CNTNAP4: variants seen among roughly 807,000 people sequenced by gnomAD.
The protein encoded by CNTNAP4 is contactin associated protein family member 4.
Under a neutral mutation model 148.4 loss-of-function variants are expected in CNTNAP4, and 98 were observed. The ratio of observed to expected loss-of-function variants is 0.66; its 90% CI spans 0.56 to 0.78. The LOEUF (loss-of-function observed/expected upper bound fraction) is 0.78, where lower values mean the gene tolerates loss of function less well. Ranked by LOEUF, CNTNAP4 falls within the 30% of genes least tolerant of loss-of-function variation. The pLI, the probability that CNTNAP4 is intolerant of heterozygous loss-of-function variation, is 0.00. For synonymous variants in CNTNAP4, 730 were observed against 565.1 expected (o/e 1.29, Z -4.14); for missense variants, 1,935 against 1,565.6 (o/e 1.24, Z -3.98).
At chr16:76,410,606 G>A (rs547660773) in intron 3 of CNTNAP4, among the ~76,000 whole-genome samples, 1 of 151,842 alleles carries the variant, frequency 6.6e-6, no homozygotes, top group Admixed American at 6.6e-5. Context: ...TGACAGATGA[G>A]TTTGTCTTTG....
intron 1 of CNTNAP4, among the ~76,000 whole-genome samples, chr16:76,308,526 A>C (rs1307008991): frequency 6.6e-6 from 1 of 152,222 alleles, no homozygotes; most frequent in Non-Finnish European, 1.5e-5. Flanking sequence ...GTGGGGTGTC[A>C]CACCACAAAA....
At chr16:76,484,682 G>A (rs968059297) in intron 12 of CNTNAP4, among the ~76,000 whole-genome samples, 1 of 152,140 alleles carries the variant, frequency 6.6e-6, no homozygotes, top group African/African-American at 2.4e-5. Context: ...GTAGCAGGGT[G>A]AAAATATTGG....
At chr16:76,499,188 C>G (rs1376635266) in intron 15 of CNTNAP4, among the ~76,000 whole-genome samples, 1 of 151,666 alleles carries the variant, frequency 6.6e-6, no homozygotes. Context: ...CTGCCTCAGC[C>G]TCCTGCACAA....
At chr16:76,511,401 T>C (rs1439104053) in intron 15 of CNTNAP4, among the ~76,000 whole-genome samples, 1 of 152,154 alleles carries the variant, frequency 6.6e-6, no homozygotes, top group African/African-American at 2.4e-5. Context: ...AAGGTGCATG[T>C]AGGCAATAAA....
At chr16:76,401,437 G>C (rs1202845877) in intron 3 of CNTNAP4, among the ~76,000 whole-genome samples, 1 of 152,174 alleles carries the variant, frequency 6.6e-6, no homozygotes, top group Non-Finnish European at 1.5e-5. Context: ...AGCTGAAGGA[G>C]CTTTTGGGCT....
In CNTNAP4 at chr16:76,494,935, A is replaced by G. The variant is rs774044143; in HGVS notation, c.2106A>G (p.Val702=). 2.5e-6 allele frequency: 4 copies of G among 1,613,504 alleles called. No individual in the cohort carries two copies. Among genetic ancestry groups the G allele is most frequent in the East Asian group, 2.2e-5 (1 of 44,844 alleles). The change falls in exon 14 of 24, where the codon GTA becomes GTG. Residue 702 remains valine, a synonymous_variant. Transcript: ENST00000611870. ...ATGGAACCCCTCTGAGTTGGTGGGT[A>G]GGAAGAACCAATGAAACGCAAACCT... ...KQDGTPLSWW[V]GRTNETQTYW... is the part of the protein sequence containing the mutation.
At chr16:76,294,950 C>CA (rs1311834610) in intron 1 of CNTNAP4, among the ~76,000 whole-genome samples, 2 of 152,120 alleles carry the variant, frequency 1.3e-5, no homozygotes, top group Non-Finnish European at 2.9e-5. Flanking sequence ...TTTCTTAAGA[C>CA]AAAATGTATT....
At chr16:76,438,515 G>A (rs1309060889) in intron 4 of CNTNAP4, among the ~76,000 whole-genome samples, 1 of 152,044 alleles carries the variant, frequency 6.6e-6, no homozygotes. Flanking sequence ...AGTAAAGACT[G>A]TACCTGAGGA....
At chr16:76,441,254 T>C (rs1370351419) in intron 4 of CNTNAP4, among the ~76,000 whole-genome samples, 1 of 152,158 alleles carries the variant, frequency 6.6e-6, no homozygotes, top group African/African-American at 2.4e-5. Flanking sequence ...CACTGTGTCT[T>C]CCACGGTATT....
intron 4 of CNTNAP4, among the ~76,000 whole-genome samples, chr16:76,440,784 A>G (rs530552381): frequency 6.6e-6 from 1 of 152,294 alleles, no homozygotes; most frequent in Admixed American, 6.5e-5. Flanking sequence ...GTTCCAATAT[A>G]ACTGGACCAT....
chr16:76,555,166 A>G (rs367740902), intron 23 of CNTNAP4, among the ~76,000 whole-genome samples: 15 of 152,236 alleles, frequency 9.9e-5, no homozygotes, highest in African/African-American at 3.4e-4. Flanking sequence ...TTTTCTATTC[A>G]TCTAGACATA....
chr16:76,365,513 G>A (rs2014001689), intron 3 of CNTNAP4, among the ~76,000 whole-genome samples: 1 of 152,158 alleles, frequency 6.6e-6, no homozygotes, highest in African/African-American at 2.4e-5. Context: ...CACTTTGGGA[G>A]GCCAAGGCGG....
chr16:76,528,111 A>G (rs1304680443), intron 17 of CNTNAP4, among the ~76,000 whole-genome samples: 2 of 152,250 alleles, frequency 1.3e-5, no homozygotes, highest in African/African-American at 2.4e-5. Context: ...ACATGGAAAT[A>G]TATTAATTTG....
At chr16:76,467,101 G>C (rs924498155) in intron 9 of CNTNAP4, among the ~76,000 whole-genome samples, 3 of 152,022 alleles carry the variant, frequency 2.0e-5, no homozygotes, top group Non-Finnish European at 4.4e-5. Context: ...TTCAAATCTA[G>C]ATCAAGTTAA....
At chr16:76,467,217 A>G in intron 9 of CNTNAP4, 135 bp from the exon 10 acceptor site, 1 of 706,414 alleles carries the variant, frequency 1.4e-6, no homozygotes, top group Non-Finnish European at 2.3e-6. Context: ...ACTAATAATG[A>G]CTGCAGTCAT....
At chr16:76,510,747 T>G (rs981783606) in intron 15 of CNTNAP4, among the ~76,000 whole-genome samples, 1 of 152,304 alleles carries the variant, frequency 6.6e-6, no homozygotes, top group Non-Finnish European at 1.5e-5. Flanking sequence ...TTGTATGCTT[T>G]ATTTTCAGAA....
rs895410030 is a variant in CNTNAP4 at position 76,467,459 on chromosome 16, G to T, written c.1591G>T (p.Val531Phe). ...CGGCAAAGTGGTAGATCTGATTTCA[G>T]TTCAGCAGGGGTCCCTTGGGAACTT... Reference protein sequence around the residue: ...ISGKVVDLISVQQGSLGNFSD... With the variant: ...ISGKVVDLISFQQGSLGNFSD... Residue 531 changes from valine (V) to phenylalanine (F), a missense_variant, in exon 10 of 24, where the codon GTT becomes TTT. Val to Phe is a conservative substitution (Grantham distance 50). Transcript: ENST00000611870. 2 of 1,613,916 alleles carry T rather than the reference G, an allele frequency of 1.2e-6. No individual in the cohort carries two copies. The highest frequency in any genetic ancestry group is 2.2e-5 in the East Asian group (1 of 44,856).
chr16:76,536,150 C>A (rs1238968415), intron 18 of CNTNAP4, among the ~76,000 whole-genome samples: 1 of 151,996 alleles, frequency 6.6e-6, no homozygotes, highest in Non-Finnish European at 1.5e-5. Context: ...GCAACCTGCC[C>A]CATGGGGCAA....
intron 10 of CNTNAP4, among the ~76,000 whole-genome samples, chr16:76,473,865 TG>T (rs1335552537): frequency 0.46 from 11,547 of 25,112 alleles, 1,372 homozygotes; most frequent in African/African-American, 0.51. Flanking sequence ...TGTTTTGTTT[TG>T]TTTTGTTTTT....
Sources: allele counts gnomAD v4.1 joint callset (sites outside exome capture counted in the v4.1 genomes callset), GRCh38; gene constraint gnomAD v4.1.1; transcripts MANE v1.5; gene names NCBI Gene and HGNC (gene_info 2026-07-23, HGNC 2026-07-21).